Variants in GART observed in about 807,000 individuals in gnomAD.
GART encodes the protein trifunctional purine biosynthetic protein adenosine-3.
In GART, 43 loss-of-function variants were observed where a neutral mutation model predicts 107.2. The observed-to-expected ratio is 0.40, with a 90% confidence interval of 0.31 to 0.52. The LOEUF (loss-of-function observed/expected upper bound fraction) is 0.52, where lower values mean the gene tolerates loss of function less well. Ranked by LOEUF, GART falls within the 20% of genes least tolerant of loss-of-function variation. The pLI is 0.52. For synonymous variants in GART, 434 were observed against 427.0 expected, an observed-to-expected ratio of 1.02 and a Z score of -0.20; for missense variants, 1,107 against 1,206.5, an observed-to-expected ratio of 0.92 and a Z score of 1.22.
At chr21:33,514,314 G>A (rs976552958) in intron 16 of GART, among the ~76,000 whole-genome samples, 2 of 152,112 alleles carry the variant, frequency 1.3e-5, no homozygotes, top group Non-Finnish European at 2.9e-5. Flanking sequence ...ACTTAAATCT[G>A]TTGTCAAAGT....
At chr21:33,524,709 A>T (rs192880710) in intron 11 of GART, 60 bp downstream of exon 11, 33 of 1,608,800 alleles carry the variant, frequency 2.1e-5, no homozygotes, top group Middle Eastern at 3.4e-4. Context: ...GAAATGTTCT[A>T]CATAGCCATT....
Position 33,524,833 on chromosome 21 carries a change from A to G in GART, c.1234T>C (p.Phe412Leu). Residue 412 changes from phenylalanine (F) to leucine (L), a missense_variant, in exon 11 of 22, where the codon TTT (phenylalanine) becomes CTT (leucine). Physicochemically the swap from Phe to Leu is conservative, Grantham distance 22. Transcript: ENST00000381815. ...TCTTTCCTATAAATTGCTCCCTCAA[A>G]CTTTATAGCAGCTAGTCCTTTCTTG... ...EAKKGLAAIK[F>L]EGAIYRKDVG... 6.2e-7 allele frequency: 1 copy of G among 1,614,188 alleles called. No individual in the cohort carries two copies. Among genetic ancestry groups the G allele is most frequent in the Non-Finnish European group, 8.5e-7 (1 of 1,180,018 alleles).
chr21:33,504,330 A>G lies in GART; in HGVS notation c.2842-15T>C. ...TCCACATCTTCCTGGAAAAGTAAGC[A>G]AAAGTTTTGAACATTACCTTCTAGC... On this transcript the variant is annotated splice_polypyrimidine_tract_variant and intron_variant, in intron 21 of 21. Coordinates refer to ENST00000381815, the MANE Select transcript of GART (RefSeq NM_000819.5). The G allele has an allele frequency of 1.2e-6, 2 of 1,612,842 alleles. No individual in the cohort carries two copies. The highest frequency in any genetic ancestry group is 1.7e-6 in the Non-Finnish European group (2 of 1,179,032).
chr21:33,533,263 C>T (rs926888586), intron 4 of GART, among the ~76,000 whole-genome samples: 1 of 150,936 alleles, frequency 6.6e-6, no homozygotes, highest in Non-Finnish European at 1.5e-5. Context: ...CACAGTGAAA[C>T]CCCGTCTCTT....
chr21:33,541,254 C>T (rs1199247127), intron 1 of GART, among the ~76,000 whole-genome samples: 1 of 152,196 alleles, frequency 6.6e-6, no homozygotes, highest in African/African-American at 2.4e-5. Context: ...AAGCGATTCT[C>T]TTGCCTCACA....
chr21:33,527,098 A>G (rs1243952053), intron 10 of GART, among the ~76,000 whole-genome samples: 1 of 152,184 alleles, frequency 6.6e-6, no homozygotes, highest in African/African-American at 2.4e-5. Context: ...GTTCTGGCCC[A>G]TTTCTTTCTT....
chr21:33,510,472 G>GGCGCCCGCCACC (rs1285672799), intron 17 of GART: 4 of 153,172 alleles, frequency 2.6e-5, no homozygotes, highest in African/African-American at 7.2e-5. Flanking sequence ...TGGGACTACA[G>GGCGCCCGCCACC]GCGCCCGCCA....
intron 16 of GART, among the ~76,000 whole-genome samples, chr21:33,514,019 G>A (rs538513321): frequency 2.0e-5 from 3 of 152,080 alleles, no homozygotes; most frequent in Admixed American, 6.6e-5. Flanking sequence ...TAATCCCAGC[G>A]CTTTGGGAGG....
chr21:33,524,519 AT>A, intron 11 of GART: 1 of 1,073,378 alleles, frequency 9.3e-7, no homozygotes, highest in Non-Finnish European at 1.1e-6. Flanking sequence ...AATAAAAAAA[AT>A]AGAAAACAAA....
chr21:33,524,028 T>A, intron 11 of GART: 2 of 984,288 alleles, frequency 2.0e-6, no homozygotes, highest in Non-Finnish European at 2.4e-6. Flanking sequence ...AAGACTTTAT[T>A]GATTTTACAA....
rs764282183 is a variant in GART, at chr21:33,517,364, C to A, written c.1947G>T (p.Gln649His). 39 of 1,614,070 alleles carry A rather than the reference C, an allele frequency of 2.4e-5. 1 individual carries two copies. The South Asian group carries it at 4.0e-4, about 16-fold the overall frequency. ...SSPAPDGCGD[Q>H]TLGDLLLTPT... is the part of the protein sequence containing the mutation. ...AAACATGAGGGAGTTTACCTAAAGT[C>A]TGGTCACCACAACCATCAGGTGCTG... The change falls in exon 15 of 22, where the codon CAG becomes CAT. Residue 649 changes from glutamine to histidine, a missense_variant. Physicochemically the swap from Gln to His is conservative, Grantham distance 24 (BLOSUM62 0). Coordinates refer to ENST00000381815, the MANE Select transcript of GART (RefSeq NM_000819.5).
chr21:33,503,984 T>TA lies in GART; in HGVS notation c.*139dup, dbSNP rs2084635568. The TA allele has an allele frequency of 3.0e-6, 2 of 676,384 alleles. No homozygotes were observed. Among genetic ancestry groups the TA allele is most frequent in the African/African-American group, 1.8e-5 (1 of 55,498 alleles). The allele number at this position is 676,384 out of a possible 1,614,324, so 41.9% of individuals were successfully genotyped here. A position where few individuals can be genotyped will look rare whatever the true frequency, so the allele number is the denominator to read the frequency against. On this transcript the variant is annotated 3_prime_UTR_variant, in exon 22 of 22. Transcript: ENST00000381815. ...TTGTTTTTAGTGAGTCTCTATTTAT[T>TA]AAAAAAATAGATGAAGTAAGGGTGA...
chr21:33,511,229 A>T (rs765678883), intron 17 of GART, 23 bp downstream of exon 17: 83 of 1,612,622 alleles, frequency 5.1e-5, no homozygotes, highest in Admixed American at 4.7e-4. Flanking sequence ...TTATATATCT[A>T]AAAATGAGTA....
chr21:33,517,819 G>A (rs1270800919), intron 14 of GART, among the ~76,000 whole-genome samples: 1 of 152,198 alleles, frequency 6.6e-6, no homozygotes, highest in Non-Finnish European at 1.5e-5. Context: ...GGTGAGATTA[G>A]GTAGCACCTC....
intron 1 of GART, 109 bp from the exon 2 acceptor site, chr21:33,539,465 G>C (rs1313086371): frequency 2.9e-6 from 2 of 684,768 alleles, no homozygotes; most frequent in East Asian, 3.2e-5. Context: ...GGCCGAGGCA[G>C]GTGGATCACT....
At chr21:33,510,745 A>G (rs1405779991) in intron 17 of GART, among the ~76,000 whole-genome samples, 1 of 152,228 alleles carries the variant, frequency 6.6e-6, no homozygotes, top group Admixed American at 6.5e-5. Context: ...ATACAGGTAA[A>G]GTCAACAAGG....
In GART at chr21:33,505,691, A is replaced by G. The variant is rs1323972182; in HGVS notation, c.2595T>C (p.His865=). Residue 865 remains histidine, a synonymous_variant, in exon 20 of 22, where the codon CAT becomes CAC. Coordinates refer to ENST00000381815, the MANE Select transcript of GART (RefSeq NM_000819.5). ...ATTCTACACGATTTTTATACAGTTT[A>G]TGATTAATTACCTGTAATAGAAAAA... is the stretch of plus-strand genomic sequence containing the variant. ...RAGIPTRVIN[H]KLYKNRVEFD... is the part of the protein sequence containing the mutation. 2 of 1,592,686 alleles carry G rather than the reference A, an allele frequency of 1.3e-6. No homozygotes were observed. Among genetic ancestry groups the G allele is most frequent in the Middle Eastern group, 1.7e-4 (1 of 5,978 alleles).
chr21:33,524,094 T>G (rs2085023091), intron 11 of GART: 1 of 985,208 alleles, frequency 1.0e-6, no homozygotes, highest in Non-Finnish European at 1.2e-6. Context: ...AAATACATTT[T>G]AGTAATAGAT....
At chr21:33,528,787 A>G in intron 8 of GART, 63 bp downstream of exon 8, 1 of 1,272,174 alleles carries the variant, frequency 7.9e-7, no homozygotes, top group South Asian at 1.3e-5. Flanking sequence ...ATGGAAAATA[A>G]GTTTTATCAA....
Sources: allele counts gnomAD v4.1 joint callset (sites outside exome capture counted in the v4.1 genomes callset), GRCh38; gene constraint gnomAD v4.1.1; transcripts MANE v1.5; gene names NCBI Gene and HGNC (gene_info 2026-07-23, HGNC 2026-07-21).